The following DOCK3 variants were observed in gnomAD, a reference collection of about 807,000 sequenced individuals.
The protein encoded by DOCK3 is dedicator of cytokinesis protein 3.
Under a neutral mutation model 265.6 loss-of-function variants are expected in DOCK3, and 60 were observed. The observed-to-expected ratio is 0.23, with a 90% CI of 0.18 to 0.28. The LOEUF (loss-of-function observed/expected upper bound fraction) is 0.28, where lower values mean the gene tolerates loss of function less well. Ranked by LOEUF, DOCK3 falls within the 10% of genes least tolerant of loss-of-function variation. The probability of loss-of-function intolerance (pLI) is 1.00; values close to 1 mark genes in which losing one functional copy is unlikely to be tolerated. For missense variants in DOCK3, 1,981 were observed against 2,594.3 expected (o/e 0.76, Z 5.14); for synonymous variants, 881 against 938.0 (o/e 0.94, Z 1.11).
At chr3:51,005,121 T>C (rs968822105) in intron 5 of DOCK3, among the ~76,000 whole-genome samples, 3 of 152,000 alleles carry the variant, frequency 2.0e-5, no homozygotes, top group Non-Finnish European at 4.4e-5. Context: ...TATTTTGAAG[T>C]AAAGATAAAA....
At chr3:50,681,008 T>G (rs2034368686) in intron 1 of DOCK3, among the ~76,000 whole-genome samples, 1 of 152,186 alleles carries the variant, frequency 6.6e-6, no homozygotes, top group Admixed American at 6.5e-5. Context: ...GGCCTGTGCT[T>G]TTGAGGTCTT....
chr3:50,932,250 A>C (rs1469099183), intron 4 of DOCK3, among the ~76,000 whole-genome samples: 1 of 152,270 alleles, frequency 6.6e-6, no homozygotes, highest in Non-Finnish European at 1.5e-5. Flanking sequence ...ACTGTAAGAC[A>C]TAATCAGATA....
intron 3 of DOCK3, among the ~76,000 whole-genome samples, chr3:50,865,711 G>A (rs1451528077): frequency 3.3e-5 from 5 of 152,138 alleles, no homozygotes; most frequent in African/African-American, 1.2e-4. Context: ...AGTTTTAGTT[G>A]TTGGAGGAAC....
chr3:50,742,041 T>C (rs1009928602), intron 1 of DOCK3, among the ~76,000 whole-genome samples: 1 of 152,212 alleles, frequency 6.6e-6, no homozygotes, highest in Non-Finnish European at 1.5e-5. Flanking sequence ...GTGAGCATTT[T>C]TTCATGTGTT....
At chr3:50,975,954 T>C (rs1366069637) in intron 5 of DOCK3, among the ~76,000 whole-genome samples, 2 of 151,030 alleles carry the variant, frequency 1.3e-5, no homozygotes, top group African/African-American at 4.9e-5. Context: ...TATTCTCTGA[T>C]GGTAGTTTGT....
chr3:50,764,777 A>G (rs1470813701), intron 1 of DOCK3, among the ~76,000 whole-genome samples: 3 of 152,148 alleles, frequency 2.0e-5, no homozygotes, highest in Non-Finnish European at 4.4e-5. Flanking sequence ...ACGAGACCCC[A>G]TCTCTTAAAA....
At chr3:51,097,025 T>A (rs2082885296) in intron 9 of DOCK3, among the ~76,000 whole-genome samples, 1 of 152,188 alleles carries the variant, frequency 6.6e-6, no homozygotes, top group Non-Finnish European at 1.5e-5. Context: ...AGAGCTCTCC[T>A]GTATGAGGTG....
chr3:51,175,218 G>T (rs1180121492), intron 12 of DOCK3, among the ~76,000 whole-genome samples: 1 of 152,124 alleles, frequency 6.6e-6, no homozygotes, highest in Non-Finnish European at 1.5e-5. Flanking sequence ...GGGTGGGCGG[G>T]ACTGCTCCTA....
At chr3:50,792,860 G>A (rs2042551314) in intron 2 of DOCK3, among the ~76,000 whole-genome samples, 2 of 152,154 alleles carry the variant, frequency 1.3e-5, no homozygotes, top group Non-Finnish European at 2.9e-5. Context: ...TTGCACTGAT[G>A]TTCATTGAGG....
chr3:51,245,201 T>A (rs1486030010), intron 21 of DOCK3, among the ~76,000 whole-genome samples: 2 of 151,776 alleles, frequency 1.3e-5, no homozygotes. Context: ...TGGTGCTGCA[T>A]CCTCCCCTTC....
chr3:51,227,900 A>G, intron 16 of DOCK3, 82 bp from the exon 17 acceptor site: 2 of 1,335,452 alleles, frequency 1.5e-6, no homozygotes, highest in Non-Finnish European at 2.1e-6. Context: ...ACAAAAGAGC[A>G]TAGGTGATAA....
intron 5 of DOCK3, among the ~76,000 whole-genome samples, chr3:50,942,398 A>G (rs200452791): frequency 6.6e-6 from 1 of 152,174 alleles, no homozygotes; most frequent in African/African-American, 2.4e-5. Flanking sequence ...CATTTTTAGC[A>G]TCAATTATGC....
chr3:50,887,467 C>T (rs1463603882), intron 3 of DOCK3, among the ~76,000 whole-genome samples: 1 of 113,670 alleles, frequency 8.8e-6, no homozygotes, highest in Non-Finnish European at 1.8e-5. Context: ...CTTCTACAAA[C>T]TATTCCAAAA....
chr3:50,707,127 C>T (rs1457289649), intron 1 of DOCK3, among the ~76,000 whole-genome samples: 1 of 152,164 alleles, frequency 6.6e-6, no homozygotes, highest in Non-Finnish European at 1.5e-5. Flanking sequence ...CCTGAGGCCT[C>T]ACCAGAAGCA....
chr3:50,818,888 G>C (rs1316140687), intron 2 of DOCK3, among the ~76,000 whole-genome samples: 1 of 152,164 alleles, frequency 6.6e-6, no homozygotes, highest in Non-Finnish European at 1.5e-5. Context: ...TCTGTTTCAA[G>C]AGCCAATTCA....
intron 9 of DOCK3, among the ~76,000 whole-genome samples, chr3:51,144,434 T>G (rs546617620): frequency 4.6e-5 from 7 of 152,210 alleles, no homozygotes; most frequent in Non-Finnish European, 1.0e-4. Flanking sequence ...TTCAGACACT[T>G]TCTTCACTTG....
chr3:51,062,232 G>A (rs958920436), intron 5 of DOCK3, among the ~76,000 whole-genome samples: 7 of 152,070 alleles, frequency 4.6e-5, no homozygotes, highest in South Asian at 2.1e-4. Flanking sequence ...TTCCCATCTT[G>A]CTTAGAATAA....
At chr3:51,233,310 C>A (rs1426765491) in intron 19 of DOCK3, among the ~76,000 whole-genome samples, 1 of 10,286 alleles carries the variant, frequency 9.7e-5, no homozygotes, top group Admixed American at 4.5e-4. Context: ...TAGCAGTATT[C>A]TTTCTTTCTA....
chr3:50,893,626 C>A (rs1393184234), intron 4 of DOCK3, among the ~76,000 whole-genome samples: 1 of 151,956 alleles, frequency 6.6e-6, no homozygotes, highest in East Asian at 1.9e-4. Flanking sequence ...GGGACACCAT[C>A]AAGCAAACCA....
Sources: allele counts gnomAD v4.1 joint callset (sites outside exome capture counted in the v4.1 genomes callset), GRCh38; gene constraint gnomAD v4.1.1; transcripts MANE v1.5; gene names NCBI Gene and HGNC (gene_info 2026-07-23, HGNC 2026-07-21).